LGALS2: variants seen among roughly 807,000 people sequenced by gnomAD.
The protein encoded by LGALS2 is galectin 2.
Under a neutral mutation model 10.1 loss-of-function variants are expected in LGALS2, and 7 were observed. The observed-to-expected ratio is 0.70, with a 90% CI of 0.40 to 1.31. LGALS2 has a LOEUF of 1.31. Ranked by LOEUF, LGALS2 falls within the 50% of genes most tolerant of loss-of-function variation. LGALS2 has a pLI of 0.01. For synonymous variants in LGALS2, 86 were observed against 64.2 expected, an observed-to-expected ratio of 1.34 and a Z score of -1.63; for missense variants, 167 against 163.6, an observed-to-expected ratio of 1.02 and a Z score of -0.11.
At chr22:37,579,749 T>TA (rs35198515) in intron 1 of LGALS2, 151 bp downstream of exon 1, 13 of 779,472 alleles carry the variant, frequency 1.7e-5, no homozygotes, top group Non-Finnish European at 2.6e-5. Flanking sequence ...TGCTGTTTTT[T>TA]AAAAAAAGAC....
intron 1 of LGALS2, among the ~76,000 whole-genome samples, chr22:37,579,606 A>G (rs547395267): frequency 6.6e-6 from 1 of 151,970 alleles, no homozygotes; most frequent in South Asian, 2.1e-4. Flanking sequence ...CCAATTTTGT[A>G]TTTTTTTAGT....
intron 1 of LGALS2, among the ~76,000 whole-genome samples, chr22:37,575,822 A>G (rs1382551367): frequency 1.3e-5 from 2 of 152,184 alleles, no homozygotes; most frequent in African/African-American, 4.8e-5. Flanking sequence ...GCGGGCCATG[A>G]CGGCGGCATG....
intron 2 of LGALS2, among the ~76,000 whole-genome samples, chr22:37,571,048 C>T (rs1396049096): frequency 6.6e-6 from 1 of 152,190 alleles, no homozygotes; most frequent in Non-Finnish European, 1.5e-5. Context: ...TAGCCACCAG[C>T]AGCCAACCTA....
chr22:37,578,134 A>G (rs1320358524), intron 1 of LGALS2, among the ~76,000 whole-genome samples: 1 of 152,232 alleles, frequency 6.6e-6, no homozygotes, highest in Admixed American at 6.5e-5. Flanking sequence ...TGGGGCTCAG[A>G]GACGGTCAGT....
At position 37,579,996 on chromosome 22, in the gene LGALS2, A is replaced by G; in HGVS notation, c.-91T>C. On this transcript the variant is annotated 5_prime_UTR_variant, in exon 1 of 4. Transcript: ENST00000215886. ...GGTCAAGCTTATATCCTAGAATATT[A>G]CACATTAACTCCCTCAAGGTCCTAG... 7.1e-7 allele frequency: 1 copy of G among 1,399,390 alleles called. No individual in the cohort carries two copies. Among genetic ancestry groups the G allele is most frequent in the Non-Finnish European group, 1.0e-6 (1 of 998,526 alleles). 86.7% of individuals were successfully genotyped at this position (1,399,390 alleles called of 1,614,324 possible).
At chr22:37,578,748 G>C (rs1372275182) in intron 1 of LGALS2, 1 of 151,432 alleles carries the variant, frequency 6.6e-6, no homozygotes, top group Non-Finnish European at 1.5e-5. Context: ...TCAGGAGTTC[G>C]AGATCAGCCT....
rs2235339 is a variant in LGALS2, at chr22:37,570,307, C to G, written c.355G>C (p.Val119Leu). 6.2e-7 allele frequency: 1 copy of G among 1,613,546 alleles called. No individual in the cohort carries two copies. The highest frequency in any genetic ancestry group is 1.7e-5 in the Admixed American group (1 of 59,994). Residue 119 changes from valine to leucine, a missense_variant, in exon 4 of 4, where the codon GTA (valine) becomes CTA (leucine). Physicochemically the swap from Val to Leu is conservative, Grantham distance 32. Transcript: ENST00000215886. ...GAGGACATGTTGAACCCGCCCCTTA[C>G]GCTCAGGTAGCTCAGGTGGCTGTGA... ...LGHSHLSYLS[V>L]RGGFNMSSFK...
chr22:37,574,231 C>T (rs754155184), intron 1 of LGALS2, among the ~76,000 whole-genome samples: 1 of 151,922 alleles, frequency 6.6e-6, no homozygotes, highest in Admixed American at 6.6e-5. Flanking sequence ...GCTCATTACC[C>T]AGGGCTGGGA....
In LGALS2 at chr22:37,579,972, G is replaced by A; in HGVS notation, c.-67C>T. ...CCTGTGCTCAGGGTCTCAACTCGTG[G>A]TCAAGCTTATATCCTAGAATATTAC... On this transcript the variant is annotated 5_prime_UTR_variant, in exon 1 of 4. Coordinates refer to ENST00000215886, the MANE Select transcript of LGALS2 (RefSeq NM_006498.3). 1.9e-6 allele frequency: 3 copies of A among 1,574,430 alleles called. No homozygotes were observed. Among genetic ancestry groups the A allele is most frequent in the Middle Eastern group, 1.7e-4 (1 of 5,972 alleles).
chr22:37,576,313 G>T (rs1190867205), intron 1 of LGALS2, among the ~76,000 whole-genome samples: 1 of 151,824 alleles, frequency 6.6e-6, no homozygotes, highest in Non-Finnish European at 1.5e-5. Flanking sequence ...TTAGCCGGGC[G>T]TGGTGGCAGG....
In LGALS2 at chr22:37,579,890, G is replaced by C. The variant is rs1329724417; in HGVS notation, c.6+10C>G. 1 of 1,609,612 alleles carries C rather than the reference G, an allele frequency of 6.2e-7. No individual in the cohort carries two copies. The highest frequency in any genetic ancestry group is 2.2e-5 in the East Asian group (1 of 44,774). ...GAGTGGGGCAGGCAGCAGGGGGCTA[G>C]TGTCCTCACCGTCATGGTGACAGCT... On this transcript the variant is annotated intron_variant, in intron 1 of 3. Transcript: ENST00000215886.
chr22:37,579,663 A>G (rs1306210792), intron 1 of LGALS2, among the ~76,000 whole-genome samples: 1 of 151,914 alleles, frequency 6.6e-6, no homozygotes, highest in African/African-American at 2.4e-5. Context: ...CAAACTCCCA[A>G]CCTCAGATGA....
intron 1 of LGALS2, among the ~76,000 whole-genome samples, chr22:37,579,686 G>A (rs987381308): frequency 3.3e-5 from 5 of 152,022 alleles, no homozygotes; most frequent in Admixed American, 3.3e-4. Context: ...CACCAGCCTC[G>A]GCCTCCCAAA....
intron 1 of LGALS2, among the ~76,000 whole-genome samples, chr22:37,572,563 C>A (rs904296825): frequency 6.6e-6 from 1 of 151,462 alleles, no homozygotes; most frequent in Non-Finnish European, 1.5e-5. Context: ...GTCAGGAGAT[C>A]GAGACCATCC....
At chr22:37,577,257 C>G (rs1031677692) in intron 1 of LGALS2, among the ~76,000 whole-genome samples, 23 of 152,078 alleles carry the variant, frequency 1.5e-4, no homozygotes, top group African/African-American at 5.6e-4. Flanking sequence ...GACCCTTCCA[C>G]GCAGGACCCC....
At chr22:37,576,446 C>A (rs972100689) in intron 1 of LGALS2, among the ~76,000 whole-genome samples, 1 of 84,074 alleles carries the variant, frequency 1.2e-5, no homozygotes, top group African/African-American at 4.6e-5. Context: ...AGCGAGACTC[C>A]GTCTCAAAAA....
intron 1 of LGALS2, among the ~76,000 whole-genome samples, chr22:37,576,966 T>G (rs993652739): frequency 2.5e-4 from 18 of 71,030 alleles, no homozygotes; most frequent in Middle Eastern, 8.3e-3. Context: ...CAGAACTGGG[T>G]GGGGGTGTGG....
At chr22:37,579,239 C>T (rs1389125499) in intron 1 of LGALS2, among the ~76,000 whole-genome samples, 4 of 85,600 alleles carry the variant, frequency 4.7e-5, no homozygotes, top group African/African-American at 1.4e-4. Flanking sequence ...CAGAGCGAGA[C>T]TCCATCTCAA....
chr22:37,572,300 A>G (rs1322351826), intron 1 of LGALS2, among the ~76,000 whole-genome samples: 1 of 152,232 alleles, frequency 6.6e-6, no homozygotes, highest in Non-Finnish European at 1.5e-5. Flanking sequence ...ATGATATGGA[A>G]AATGACTGTA....
Sources: gnomAD v4.1 joint callset for allele counts (sites outside exome capture counted in the v4.1 genomes callset) on GRCh38, gnomAD v4.1.1 for gene constraint, MANE v1.5 for transcripts, NCBI Gene and HGNC (gene_info 2026-07-23, HGNC 2026-07-21) for gene names.